Variants in WNK2 observed in about 807,000 individuals in gnomAD.
WNK2 encodes the protein serine/threonine-protein kinase WNK2.
WNK2 carries 67 observed loss-of-function variants against 192.1 expected under a neutral mutation model. That is an observed-to-expected ratio of 0.35 (90% CI 0.29 to 0.43). The LOEUF is 0.43. WNK2 is among the 20% of genes least tolerant of loss of function. WNK2 has a pLI of 1.00. For missense variants in WNK2, 2,698 were observed against 3,089.7 expected (o/e 0.87, Z 3.01); for synonymous variants, 1,439 against 1,393.9 (o/e 1.03, Z -0.72).
chr9:93,225,469 A>T (rs954095075), intron 2 of WNK2, among the ~76,000 whole-genome samples: 3 of 152,056 alleles, frequency 2.0e-5, no homozygotes, highest in Admixed American at 2.0e-4. Flanking sequence ...ATAAAATGAG[A>T]TCCTCTTCCC....
intron 19 of WNK2, among the ~76,000 whole-genome samples, chr9:93,276,005 C>CA (rs1383283621): frequency 2.0e-5 from 3 of 152,204 alleles, no homozygotes; most frequent in Non-Finnish European, 2.9e-5. Flanking sequence ...GAAGACTCAA[C>CA]ATAGTAAAAA....
At chr9:93,224,530 G>A (rs112762321) in intron 2 of WNK2, among the ~76,000 whole-genome samples, 127 of 152,308 alleles carry the variant, frequency 8.3e-4, no homozygotes, top group Non-Finnish European at 1.5e-3. Flanking sequence ...TGTGTGACTC[G>A]TGCAGCCCTT....
intron 26 of WNK2, among the ~76,000 whole-genome samples, chr9:93,305,104 C>G (rs1248303181): frequency 6.6e-6 from 1 of 152,194 alleles, no homozygotes; most frequent in African/African-American, 2.4e-5. Context: ...TGGTGTTCTT[C>G]CCAGCATGGC....
In WNK2 at chr9:93,261,927, T is replaced by C. The variant is rs1290535058; in HGVS notation, c.3180T>C (p.Pro1060=). 6.2e-7 allele frequency: 1 copy of C among 1,609,386 alleles called. No individual in the cohort carries two copies. Among genetic ancestry groups the C allele is most frequent in the South Asian group, 1.1e-5 (1 of 91,072 alleles). The change falls in exon 13 of 30, where the codon CCT becomes CCC. Residue 1060 remains proline, a synonymous_variant. Transcript: ENST00000427277. ...LSPPLPEVLL[P]AAPELLPQFP... The stretch of plus-strand genomic sequence containing the variant: ...CGCCTCTGCCGGAAGTGCTGCTGCC[T>C]GCCGCCCCTGAGCTCCTGCCTCAGT...
intron 23 of WNK2, among the ~76,000 whole-genome samples, chr9:93,296,705 A>C (rs1406696574): frequency 6.5e-4 from 10 of 15,434 alleles, no homozygotes; most frequent in East Asian, 1.8e-3. Context: ...TTCTCCCCTC[A>C]CCTTCCTCCC....
At chr9:93,307,071 C>T in intron 27 of WNK2, 1 of 561,416 alleles carries the variant, frequency 1.8e-6, no homozygotes, top group Non-Finnish European at 3.2e-6. Flanking sequence ...ACGGGCTTAT[C>T]CTTCCCCGGA....
Position 93,289,340 on chromosome 9 carries a change from C to A in WNK2, c.4586C>A (p.Ser1529Ter). The A allele has an allele frequency of 6.2e-7, 1 of 1,606,942 alleles. No homozygotes were observed. Among genetic ancestry groups the A allele is most frequent in the Non-Finnish European group, 8.5e-7 (1 of 1,177,136 alleles). ...CCCACCGTCCCCCCACAGCCACCCT[C>A]GGCCCTGGAGTCGGATGGGGAAGGG... ...LGPTVPPQPPSALESDGEGPP... is the reference protein window; with the variant it reads ...LGPTVPPQPP Residue 1529 changes from serine to a stop codon, truncating the protein, a stop_gained, in exon 20 of 30, where the codon TCG becomes TAG. Coordinates refer to ENST00000427277, the MANE Select transcript of WNK2 (RefSeq NM_006648.4). LOFTEE classifies it high-confidence loss of function.
chr9:93,255,916 C>T (rs922283594), intron 9 of WNK2, among the ~76,000 whole-genome samples: 1 of 152,212 alleles, frequency 6.6e-6, no homozygotes, highest in Non-Finnish European at 1.5e-5. Context: ...CGTTTCTCTC[C>T]ATATCGTCTG....
chr9:93,307,167 C>A, intron 27 of WNK2: 1 of 356,428 alleles, frequency 2.8e-6, no homozygotes, highest in Non-Finnish European at 5.2e-6. Flanking sequence ...AGATGAGTGC[C>A]TCCCCACGAG....
rs755736909 is a variant in WNK2 at position 93,259,374 on chromosome 9, G to A, written c.2826G>A (p.Pro942=). 1.9e-5 allele frequency: 31 copies of A among 1,609,376 alleles called. No individual in the cohort carries two copies. Among genetic ancestry groups the A allele is most frequent in the Admixed American group, 5.0e-5 (3 of 59,626 alleles). ...VQNMRATPPQ[P]ALPPQPTLPP... ...ATATGAGGGCCACCCCTCCACAGCC[G>A]GCACTGCCTCCACAACCCACACTGC... Residue 942 remains proline (P), a synonymous_variant, in exon 12 of 30, where the codon CCG becomes CCA. Coordinates refer to ENST00000427277, the MANE Select transcript of WNK2 (RefSeq NM_006648.4). This position sits in a 1 kb window ranked among gnomAD's most constrained non-coding sequence, Gnocchi z 4.8.
At chr9:93,306,562 G>A in intron 26 of WNK2, 1 of 590,030 alleles carries the variant, frequency 1.7e-6, no homozygotes, top group Admixed American at 3.2e-5. Flanking sequence ...CTTGGCCCTG[G>A]CACCTCTGCC....
At chr9:93,313,518 T>C (rs1240188903) in intron 28 of WNK2, among the ~76,000 whole-genome samples, 1 of 152,172 alleles carries the variant, frequency 6.6e-6, no homozygotes, top group Non-Finnish European at 1.5e-5. Context: ...GCCTTGTCTT[T>C]TCTTGTGACT....
rs778965356 is a variant in WNK2 at position 93,229,859 on chromosome 9, C to A, written c.845C>A (p.Thr282Lys). 1.2e-6 allele frequency: 2 copies of A among 1,613,454 alleles called. No homozygotes were observed. The highest frequency in any genetic ancestry group is 1.1e-5 in the South Asian group (1 of 91,048). Residue 282 changes from threonine to lysine, a missense_variant, in exon 3 of 30, where the codon ACG becomes AAG. Transcript: ENST00000427277. This position sits in a 1 kb window ranked among gnomAD's most constrained non-coding sequence, Gnocchi z 4.9. ...VLVTELMTSG[T>K]LKTYLKRFKV... Reference sequence around the variant, plus strand: ...GTGACGGAGCTGATGACCTCAGGGACGCTGAAGACGTAAGCTCCGCTTCCT... The same window carrying A: ...GTGACGGAGCTGATGACCTCAGGGAAGCTGAAGACGTAAGCTCCGCTTCCT...
At chr9:93,264,362 G>A (rs538859686) in intron 16 of WNK2, among the ~76,000 whole-genome samples, 18 of 152,250 alleles carry the variant, frequency 1.2e-4, no homozygotes, top group African/African-American at 2.2e-4. Context: ...AGGGCATCCC[G>A]GAGTCTGATG....
Position 93,239,997 on chromosome 9 carries a change from G to A in WNK2, c.1542+21G>A, listed in dbSNP as rs140531162. ...AGATGGTAAGCAGGACTCAGATGGGGTGAGGTGGGTGCAGGTGTTGGCAGC... is the reference window on the plus strand; with the variant it reads ...AGATGGTAAGCAGGACTCAGATGGGATGAGGTGGGTGCAGGTGTTGGCAGC... On this transcript the variant is annotated intron_variant, in intron 7 of 29. Coordinates refer to ENST00000427277, the MANE Select transcript of WNK2 (RefSeq NM_006648.4). This position sits in a 1 kb window ranked among gnomAD's most constrained non-coding sequence, Gnocchi z 4.2. 1,521 of 1,599,682 alleles carry A rather than the reference G, an allele frequency of 9.5e-4. 12 individuals are homozygous for A. In the African/African-American group the frequency reaches 0.018, roughly 19 times the overall value.
intron 3 of WNK2, among the ~76,000 whole-genome samples, chr9:93,230,320 C>T (rs1001872627): frequency 2.0e-5 from 3 of 152,108 alleles, no homozygotes; most frequent in African/African-American, 7.2e-5. Flanking sequence ...ACCACTGGAC[C>T]CTGCAGCCTT....
intron 26 of WNK2, among the ~76,000 whole-genome samples, chr9:93,303,926 T>C (rs1419894517): frequency 6.6e-6 from 1 of 152,210 alleles, no homozygotes; most frequent in East Asian, 1.9e-4. Context: ...GAGCCAGTGC[T>C]GACCATGGCG....
At chr9:93,189,198 C>A (rs543598396) in intron 2 of WNK2, among the ~76,000 whole-genome samples, 2 of 152,186 alleles carry the variant, frequency 1.3e-5, no homozygotes, top group Non-Finnish European at 2.9e-5. Context: ...ACACTGACGC[C>A]TCCCTGTCAG....
chr9:93,271,541 G>T (rs1212539096), intron 19 of WNK2, among the ~76,000 whole-genome samples: 1 of 152,194 alleles, frequency 6.6e-6, no homozygotes, highest in East Asian at 1.9e-4. Context: ...AGTAGTATCT[G>T]CAAAGAAACA....
Sources: allele counts gnomAD v4.1 joint callset (sites outside exome capture counted in the v4.1 genomes callset), GRCh38; gene constraint gnomAD v4.1.1; non-coding constraint Gnocchi (gnomAD v3.1); transcripts MANE v1.5; gene names NCBI Gene and HGNC (gene_info 2026-07-23, HGNC 2026-07-21).